GOLGB1: variants seen among roughly 807,000 people sequenced by gnomAD.
GOLGB1 encodes golgin subfamily B member 1.
Under a neutral mutation model 336.9 loss-of-function variants are expected in GOLGB1, and 174 were observed. That is an observed-to-expected ratio of 0.52 (90% CI 0.46 to 0.59). The LOEUF (loss-of-function observed/expected upper bound fraction) is 0.59, where lower values mean the gene tolerates loss of function less well. Ranked by LOEUF, GOLGB1 falls within the 20% of genes least tolerant of loss-of-function variation. GOLGB1 has a pLI of 0.00. For synonymous variants in GOLGB1, 1,208 were observed against 1,289.2 expected (o/e 0.94, Z 1.35); for missense variants, 3,331 against 3,645.3 (o/e 0.91, Z 2.22).
Position 121,695,117 on chromosome 3 carries a change from A to G in GOLGB1, c.5406T>C (p.Thr1802=). Reference sequence around the variant, plus strand: ...TCATACTCAGAGAGTCTTGCTCTTCAGTCTCACCTGGTATAGACTGTGTTC... The same window carrying G: ...TCATACTCAGAGAGTCTTGCTCTTCGGTCTCACCTGGTATAGACTGTGTTC... ...EEGTQSIPGE[T]EEQDSLSMST... Residue 1802 remains threonine, a synonymous_variant, in exon 13 of 22, where the codon ACT becomes ACC. Transcript: ENST00000614479. 1 of 1,612,882 alleles carries G rather than the reference A, an allele frequency of 6.2e-7. No individual in the cohort carries two copies. Among genetic ancestry groups the G allele is most frequent in the South Asian group, 1.1e-5 (1 of 91,054 alleles).
intron 10 of GOLGB1, among the ~76,000 whole-genome samples, chr3:121,706,550 C>T (rs1406477169): frequency 6.6e-6 from 1 of 151,838 alleles, no homozygotes; most frequent in Admixed American, 6.6e-5. Flanking sequence ...GCCTGGCCAA[C>T]ATGGCAAAAC....
chr3:121,684,152 A>AAAAAAAAAAAAAAAAAAAAAAAAAT (rs1941454684), intron 14 of GOLGB1, among the ~76,000 whole-genome samples: 1 of 145,324 alleles, frequency 6.9e-6, no homozygotes, highest in Admixed American at 6.9e-5. Context: ...AAAAAAAAAA[A>AAAAAAAAAAAAAAAAAAAAAAAAAT]CAAGAAAATC....
chr3:121,665,277 G>A (rs1273725851), intron 20 of GOLGB1, among the ~76,000 whole-genome samples: 1 of 152,190 alleles, frequency 6.6e-6, no homozygotes, highest in African/African-American at 2.4e-5. Context: ...CTCTAGGCTG[G>A]GTGCTTTACA....
intron 17 of GOLGB1, among the ~76,000 whole-genome samples, chr3:121,675,202 T>C (rs544915852): frequency 7.2e-5 from 11 of 152,362 alleles, no homozygotes; most frequent in Admixed American, 2.0e-4. Flanking sequence ...GACAGTGACC[T>C]ATGCAGTGTT....
chr3:121,714,105 G>A (rs1175054757), intron 10 of GOLGB1, among the ~76,000 whole-genome samples: 1 of 152,200 alleles, frequency 6.6e-6, no homozygotes, highest in African/African-American at 2.4e-5. Context: ...AGACTGGAAA[G>A]CCTAGATGCT....
chr3:121,691,455 C>T lies in GOLGB1; in HGVS notation c.7909G>A (p.Ala2637Thr). ...TCTTCTTCTTTTACTTTTAACTGGG[C>T]ATGATAGAGTCCTAAAGTACCTTCT... ...QEEGTLGLYH[A>T]QLKVKEEEVH... is the part of the protein sequence containing the mutation. Residue 2637 changes from alanine to threonine, a missense_variant, in exon 14 of 22, where the codon GCC becomes ACC. Coordinates refer to ENST00000614479, the MANE Select transcript of GOLGB1 (RefSeq NM_001366282.2). 1 of 1,613,802 alleles carries T rather than the reference C, an allele frequency of 6.2e-7. No homozygotes were observed. The highest frequency in any genetic ancestry group is 8.5e-7 in the Non-Finnish European group (1 of 1,179,984).
At chr3:121,745,575 C>T (rs1011985757) in intron 1 of GOLGB1, among the ~76,000 whole-genome samples, 3 of 150,482 alleles carry the variant, frequency 2.0e-5, no homozygotes, top group Non-Finnish European at 4.4e-5. Context: ...TATATGTATA[C>T]ATATATGTAA....
chr3:121,691,541 T>C lies in GOLGB1; in HGVS notation c.7823A>G (p.Glu2608Gly). 6.2e-7 allele frequency: 1 copy of C among 1,612,586 alleles called. No homozygotes were observed. Among genetic ancestry groups the C allele is most frequent in the Non-Finnish European group, 8.5e-7 (1 of 1,179,596 alleles). Residue 2608 changes from glutamate to glycine, a missense_variant, in exon 14 of 22, where the codon GAG (glutamate) becomes GGG (glycine). By Grantham distance (98) the Glu-to-Gly change is moderately conservative (BLOSUM62 -2). Transcript: ENST00000614479. ...LQEEKQDLSK[E>G]IESLKVSISQ... Reference sequence around the variant, plus strand: ...TATAGATACTTTCAAACTCTCAATCTCTTTAGATAAATCTTGTTTCTCTTC... The same window carrying C: ...TATAGATACTTTCAAACTCTCAATCCCTTTAGATAAATCTTGTTTCTCTTC...
At chr3:121,724,239 A>T (rs550435916) in intron 5 of GOLGB1, among the ~76,000 whole-genome samples, 1 of 152,218 alleles carries the variant, frequency 6.6e-6, no homozygotes, top group Non-Finnish European at 1.5e-5. Context: ...CAGAAAGCTT[A>T]GCACTCCTTG....
At chr3:121,677,796 C>T (rs1940602472) in intron 15 of GOLGB1, among the ~76,000 whole-genome samples, 1 of 152,114 alleles carries the variant, frequency 6.6e-6, no homozygotes, top group Non-Finnish European at 1.5e-5. Context: ...AGTAGCTGAA[C>T]ACTTTAATAT....
At chr3:121,707,999 T>C (rs752572760) in intron 10 of GOLGB1, among the ~76,000 whole-genome samples, 2 of 152,252 alleles carry the variant, frequency 1.3e-5, no homozygotes, top group Admixed American at 6.5e-5. Flanking sequence ...AAATGCTTTA[T>C]ATGTATTAGC....
chr3:121,747,088 T>A (rs1668111731), intron 1 of GOLGB1, among the ~76,000 whole-genome samples: 1 of 142,016 alleles, frequency 7.0e-6, no homozygotes, highest in South Asian at 2.2e-4. Context: ...CCCAAATAAT[T>A]CCATATTGTT....
rs564614756 is a variant in GOLGB1, at chr3:121,698,148, T to G, written c.2375A>C (p.Gln792Pro). 3.7e-6 allele frequency: 6 copies of G among 1,613,858 alleles called. No homozygotes were observed. The Admixed American group carries it at 1.0e-4, about 27-fold the overall frequency. The change falls in exon 13 of 22, where the codon CAA becomes CCA. Residue 792 changes from glutamine (Q) to proline (P), a missense_variant. Transcript: ENST00000614479. The part of the protein sequence containing the change: ...ERQRRLDYES[Q>P]TAHDNLLTEQ... ...AGTGAGCAGGTTGTCATGGGCAGTTTGGCTTTCATAATCAAGTCTTCTTTG... is the reference window on the plus strand; with the variant it reads ...AGTGAGCAGGTTGTCATGGGCAGTTGGGCTTTCATAATCAAGTCTTCTTTG...
intron 8 of GOLGB1, 118 bp downstream of exon 8, chr3:121,718,266 AGAAT>A: frequency 1.6e-6 from 1 of 635,136 alleles, no homozygotes; most frequent in South Asian, 2.0e-5. Flanking sequence ...ATTTGTTGAA[AGAAT>A]GAATAAATGG....
At chr3:121,712,539 G>A (rs1204082890) in intron 10 of GOLGB1, among the ~76,000 whole-genome samples, 4 of 152,126 alleles carry the variant, frequency 2.6e-5, no homozygotes, top group African/African-American at 7.2e-5. Flanking sequence ...CACAGCATGG[G>A]AGAAAATATT....
chr3:121,727,451 G>A (rs1945764812), intron 4 of GOLGB1, among the ~76,000 whole-genome samples: 1 of 150,176 alleles, frequency 6.7e-6, no homozygotes, highest in Non-Finnish European at 1.5e-5. Flanking sequence ...TGGAGGGGAT[G>A]TGATAATTGG....
Position 121,698,052 on chromosome 3 carries a change from A to G in GOLGB1, c.2471T>C (p.Leu824Pro). ...DVKIEVLQNELDDVQLQFSEQ... is the reference protein window; with the variant it reads ...DVKIEVLQNEPDDVQLQFSEQ... Reference sequence around the variant, plus strand: ...AGAAAACTGAAGCTGCACATCATCCAGTTCATTCTGTAAAACTTCAATTTT... The same window carrying G: ...AGAAAACTGAAGCTGCACATCATCCGGTTCATTCTGTAAAACTTCAATTTT... The change falls in exon 13 of 22, where the codon CTG becomes CCG. Residue 824 changes from leucine to proline, a missense_variant. By Grantham distance (98) the Leu-to-Pro change is moderately conservative. Coordinates refer to ENST00000614479, the MANE Select transcript of GOLGB1 (RefSeq NM_001366282.2). The G allele has an allele frequency of 6.2e-7, 1 of 1,614,056 alleles. No individual in the cohort carries two copies. Among genetic ancestry groups the G allele is most frequent in the Non-Finnish European group, 8.5e-7 (1 of 1,179,952 alleles).
chr3:121,693,439 A>C (rs1198505994), intron 13 of GOLGB1, among the ~76,000 whole-genome samples: 1 of 152,104 alleles, frequency 6.6e-6, no homozygotes, highest in Non-Finnish European at 1.5e-5. Flanking sequence ...AGTGAGCCAA[A>C]ATCGTGCCAT....
At chr3:121,729,121 G>A (rs1945885362) in intron 4 of GOLGB1, 67 bp downstream of exon 4, 1 of 1,037,070 alleles carries the variant, frequency 9.6e-7, no homozygotes, top group Non-Finnish European at 1.4e-6. Context: ...TTTGTGATTG[G>A]TGAAGATCTG....
Sources: allele counts gnomAD v4.1 joint callset (sites outside exome capture counted in the v4.1 genomes callset), GRCh38; gene constraint gnomAD v4.1.1; transcripts MANE v1.5; gene names NCBI Gene and HGNC (gene_info 2026-07-23, HGNC 2026-07-21).